FOXP1: variants seen among roughly 807,000 people sequenced by gnomAD.
FOXP1 encodes forkhead box P1, also known as forkhead box protein P1.
A neutral mutation model predicts 98.2 loss-of-function variants in FOXP1; 15 were observed. The ratio of observed to expected loss-of-function variants is 0.15; its 90% CI spans 0.10 to 0.24. The LOEUF (loss-of-function observed/expected upper bound fraction) is 0.24. Ranked by LOEUF, FOXP1 falls within the 10% of genes least tolerant of loss-of-function variation. The pLI, the probability that FOXP1 is intolerant of heterozygous loss-of-function variation, is 1.00. For synonymous variants in FOXP1, 371 were observed against 314.5 expected (o/e 1.18, Z -1.90); for missense variants, 633 against 848.5 (o/e 0.75, Z 3.15).
chr3:71,000,418 T>A (rs2041964540), intron 13 of FOXP1, among the ~76,000 whole-genome samples: 1 of 152,004 alleles, frequency 6.6e-6, no homozygotes, highest in African/African-American at 2.4e-5. Context: ...AAAAGGACAA[T>A]GCAAAATGAG....
intron 2 of FOXP1, among the ~76,000 whole-genome samples, chr3:71,520,153 CTTA>C (rs1455971556): frequency 6.6e-6 from 1 of 152,198 alleles, no homozygotes; most frequent in Non-Finnish European, 1.5e-5. Flanking sequence ...ATTTCTTCAT[CTTA>C]TTATGAGTGT....
chr3:71,313,817 G>A (rs966187714), intron 4 of FOXP1, among the ~76,000 whole-genome samples: 1 of 152,190 alleles, frequency 6.6e-6, no homozygotes, highest in African/African-American at 2.4e-5. Flanking sequence ...GAGCCACCGT[G>A]CCCGGTCGAG....
At chr3:70,961,134 T>TA (rs1037708562) in intron 20 of FOXP1, among the ~76,000 whole-genome samples, 20 of 151,540 alleles carry the variant, frequency 1.3e-4, no homozygotes, top group Admixed American at 5.9e-4. Context: ...GCCCGGCTGC[T>TA]AAAAAAATAA....
At chr3:71,085,249 C>A (rs997165723) in intron 7 of FOXP1, among the ~76,000 whole-genome samples, 2 of 152,064 alleles carry the variant, frequency 1.3e-5, no homozygotes, top group Non-Finnish European at 2.9e-5. Context: ...GTCAAGCAAT[C>A]CTCCCATGTC....
chr3:71,128,555 A>G (rs969769091), intron 6 of FOXP1, among the ~76,000 whole-genome samples: 15 of 152,256 alleles, frequency 9.9e-5, no homozygotes, highest in African/African-American at 3.1e-4. Flanking sequence ...ATTACGTTGT[A>G]CCCTAGCCAC....
chr3:71,001,100 A>G (rs1433927865), intron 12 of FOXP1, 41 bp from the exon 13 acceptor site: 1 of 1,475,020 alleles, frequency 6.8e-7, no homozygotes, highest in South Asian at 1.1e-5. Flanking sequence ...AAATGGAGAA[A>G]CAAAAAGGAA....
chr3:71,132,954 A>T (rs1263836276), intron 6 of FOXP1, among the ~76,000 whole-genome samples: 1 of 147,432 alleles, frequency 6.8e-6, no homozygotes, highest in African/African-American at 2.5e-5. Context: ...TCAATCTGTG[A>T]AAGTCGCCAC....
intron 3 of FOXP1, among the ~76,000 whole-genome samples, chr3:71,466,562 G>A (rs560311707): frequency 3.3e-5 from 5 of 152,308 alleles, no homozygotes; most frequent in Admixed American, 6.5e-5. Context: ...GAATCTGATC[G>A]GGATTGGATT....
chr3:71,131,521 ACTGT>A (rs2059571091), intron 6 of FOXP1, among the ~76,000 whole-genome samples: 1 of 152,212 alleles, frequency 6.6e-6, no homozygotes, highest in Admixed American at 6.5e-5. Flanking sequence ...GGAATGCTGG[ACTGT>A]CTGTCATCCA....
chr3:71,582,004 C>A, intron 1 of FOXP1: 1 of 970,310 alleles, frequency 1.0e-6, no homozygotes, highest in Non-Finnish European at 1.2e-6. Flanking sequence ...GGGATACGAT[C>A]ACGGGCGCAA....
intron 2 of FOXP1, among the ~76,000 whole-genome samples, chr3:71,521,066 T>C (rs1416392237): frequency 1.3e-5 from 2 of 152,046 alleles, no homozygotes; most frequent in Non-Finnish European, 2.9e-5. Flanking sequence ...TCCATGAAGA[T>C]GACAGAGAAA....
intron 6 of FOXP1, among the ~76,000 whole-genome samples, chr3:71,128,142 G>A (rs778127620): frequency 2.1e-4 from 32 of 152,126 alleles, no homozygotes; most frequent in Non-Finnish European, 4.3e-4. Flanking sequence ...CAGGCACTGT[G>A]CTAGAATCAC....
chr3:71,041,555 T>C (rs761085711), intron 10 of FOXP1, 23 bp from the exon 11 acceptor site: 13 of 1,598,914 alleles, frequency 8.1e-6, no homozygotes, highest in Non-Finnish European at 8.6e-6. Flanking sequence ...AATTGGATAA[T>C]TAAATCAATT....
At chr3:71,169,922 C>T (rs1481020332) in intron 6 of FOXP1, among the ~76,000 whole-genome samples, 2 of 151,922 alleles carry the variant, frequency 1.3e-5, no homozygotes, top group East Asian at 1.9e-4. Context: ...TTAGTTAAAA[C>T]GATGGGATGA....
chr3:71,444,996 C>T (rs1436077693), intron 3 of FOXP1, among the ~76,000 whole-genome samples: 5 of 152,140 alleles, frequency 3.3e-5, no homozygotes, highest in South Asian at 2.1e-4. Flanking sequence ...ACAATGTGGC[C>T]GGGCAGGGGA....
At chr3:71,233,509 C>A (rs1228095439) in intron 5 of FOXP1, among the ~76,000 whole-genome samples, 1 of 151,878 alleles carries the variant, frequency 6.6e-6, no homozygotes, top group Non-Finnish European at 1.5e-5. Context: ...TCACTGCAAC[C>A]GCTGCCTCCG....
intron 4 of FOXP1, among the ~76,000 whole-genome samples, chr3:71,301,414 G>A (rs1274201597): frequency 6.6e-6 from 1 of 152,140 alleles, no homozygotes; most frequent in Non-Finnish European, 1.5e-5. Flanking sequence ...ACAAATCAGA[G>A]CTCAGTAGAT....
chr3:71,112,065 T>C (rs2057977462), intron 7 of FOXP1, among the ~76,000 whole-genome samples: 1 of 121,338 alleles, frequency 8.2e-6, no homozygotes, highest in Admixed American at 1.2e-4. Flanking sequence ...CCCTGCTAGT[T>C]GTGGCAACGA....
At chr3:71,579,632 C>CTTTTTTTTT (rs35646548) in intron 2 of FOXP1, among the ~76,000 whole-genome samples, 137 of 122,890 alleles carry the variant, frequency 1.1e-3, no homozygotes, top group African/African-American at 1.7e-3. Context: ...TTTCTTTTTT[C>CTTTTTTTTT]TTTTTTTTTT....
Sources: allele counts gnomAD v4.1 joint callset (sites outside exome capture counted in the v4.1 genomes callset), GRCh38; gene constraint gnomAD v4.1.1; transcripts MANE v1.5; gene names NCBI Gene and HGNC (gene_info 2026-07-23, HGNC 2026-07-21).